KANK4: variants seen among roughly 807,000 people sequenced by gnomAD.
KANK4 encodes the protein KN motif and ankyrin repeat domains 4.
A neutral mutation model predicts 80.8 loss-of-function variants in KANK4; 50 were observed. The ratio of observed to expected loss-of-function variants is 0.62; its 90% confidence interval spans 0.49 to 0.78. The LOEUF is 0.78. Ranked by LOEUF, KANK4 falls within the 30% of genes least tolerant of loss-of-function variation. The probability of loss-of-function intolerance (pLI) is 0.00; values close to 1 mark genes in which losing one functional copy is unlikely to be tolerated. For synonymous variants in KANK4, 465 were observed against 506.9 expected, an observed-to-expected ratio of 0.92 and a Z score of 1.11; for missense variants, 1,196 against 1,240.1, an observed-to-expected ratio of 0.96 and a Z score of 0.53.
intron 8 of KANK4, among the ~76,000 whole-genome samples, chr1:62,248,788 G>A (rs560557169): frequency 3.4e-5 from 5 of 148,196 alleles, no homozygotes; most frequent in South Asian, 2.1e-4. Context: ...CAGGTGATCC[G>A]CCTGCCTTGG....
intron 8 of KANK4, among the ~76,000 whole-genome samples, chr1:62,251,851 G>T (rs1671627715): frequency 6.6e-6 from 1 of 152,162 alleles, no homozygotes; most frequent in Admixed American, 6.5e-5. Context: ...AATTAGCTGG[G>T]CATGATGGCG....
intron 1 of KANK4, among the ~76,000 whole-genome samples, chr1:62,301,432 G>A (rs74811254): frequency 0.013 from 1,991 of 152,138 alleles, 32 homozygotes; most frequent in Non-Finnish European, 0.02. Context: ...ACAGAACACC[G>A]ACACACAAAC....
intron 7 of KANK4, among the ~76,000 whole-genome samples, chr1:62,256,221 A>G (rs941437695): frequency 6.6e-6 from 1 of 152,204 alleles, no homozygotes; most frequent in Non-Finnish European, 1.5e-5. Context: ...GTAAGAGTTC[A>G]CTGTTATTAC....
rs567783536 is a variant in KANK4 at position 62,319,339 on chromosome 1, C to G, written c.-304G>C. Reference sequence around the variant, plus strand: ...GGCGCACCCCTGCGGGCACACCCACCGCGGCGGATGCGGGACTGGCCAGGC... The same window carrying G: ...GGCGCACCCCTGCGGGCACACCCACGGCGGCGGATGCGGGACTGGCCAGGC... On this transcript the variant is annotated 5_prime_UTR_variant, in exon 1 of 10. Transcript: ENST00000371153. 1.3e-5 allele frequency: 2 copies of G among 151,968 alleles called. No individual in the cohort carries two copies. The highest frequency in any genetic ancestry group is 4.8e-5 in the African/African-American group (2 of 41,420). The allele number at this position is 151,968 out of a possible 1,614,324, so 9.4% of individuals were successfully genotyped here.
At chr1:62,294,780 G>A (rs1251292779) in intron 1 of KANK4, among the ~76,000 whole-genome samples, 1 of 152,198 alleles carries the variant, frequency 6.6e-6, no homozygotes, top group African/African-American at 2.4e-5. Flanking sequence ...CAAAGATGGT[G>A]ACCACCCAGC....
intron 6 of KANK4, among the ~76,000 whole-genome samples, chr1:62,264,513 A>C (rs1258870825): frequency 1.1e-4 from 17 of 152,242 alleles, no homozygotes; most frequent in Admixed American, 1.1e-3. Flanking sequence ...CCTGTTATAA[A>C]ATAGGAGTAA....
At chr1:62,317,220 C>T (rs1252952659) in intron 1 of KANK4, among the ~76,000 whole-genome samples, 1 of 152,144 alleles carries the variant, frequency 6.6e-6, no homozygotes, top group Admixed American at 6.5e-5. Flanking sequence ...ACACTGTCAG[C>T]AAGTTCTTTC....
At position 62,266,783 on chromosome 1, in the gene KANK4, C is replaced by T. The variant is rs746358005; in HGVS notation, c.2268G>A (p.Arg756=). ...KPSEEFLNAC[R]ALSQHLPETG... is the part of the protein sequence containing the mutation. ...TTTCTGGCAGATGCTGGCTCAGTGC[C>T]CGGCATGCATTAAGAAATTCTTCTG... The change falls in exon 6 of 10, where the codon CGG becomes CGA. Residue 756 remains arginine (R), a synonymous_variant. Coordinates refer to ENST00000371153, the MANE Select transcript of KANK4 (RefSeq NM_181712.5). The T allele has an allele frequency of 3.7e-6, 6 of 1,612,560 alleles. No individual in the cohort carries two copies. In the South Asian group the frequency reaches 6.6e-5, roughly 18 times the overall value.
At position 62,240,399 on chromosome 1, in the gene KANK4, G is replaced by T. The variant is rs149078169; in HGVS notation, c.2884-2018C>A. Reference sequence around the variant, plus strand: ...GAAGTGGGCTCAGAGGCTGGGTGCAGTGGCTCATGCCTGTAATCCCAGCAC... The same window carrying T: ...GAAGTGGGCTCAGAGGCTGGGTGCATTGGCTCATGCCTGTAATCCCAGCAC... On this transcript the variant is annotated intron_variant, in intron 9 of 9. Coordinates refer to ENST00000371153, the MANE Select transcript of KANK4 (RefSeq NM_181712.5). Among the ~76,000 whole-genome samples, 612 of 152,328 alleles carry T rather than the reference G, an allele frequency of 4.0e-3. 6 individuals are homozygous for T. Among genetic ancestry groups the T allele is most frequent in the African/African-American group, 0.014 (587 of 41,582 alleles).
chr1:62,265,176 T>A (rs1671990836), intron 6 of KANK4, among the ~76,000 whole-genome samples: 1 of 152,044 alleles, frequency 6.6e-6, no homozygotes, highest in Non-Finnish European at 1.5e-5. Flanking sequence ...CTTAGTTCGA[T>A]AATTCAATTA....
At position 62,237,465 on chromosome 1, in the gene KANK4, C is replaced by T. The variant is rs1281509897; in HGVS notation, c.*812G>A. Reference sequence around the variant, plus strand: ...AGCTTTTTTTTGTTTCTTCCACAGACTCAAAATAGCTGAGAGAATCTGACT... The same window carrying T: ...AGCTTTTTTTTGTTTCTTCCACAGATTCAAAATAGCTGAGAGAATCTGACT... On this transcript the variant is annotated 3_prime_UTR_variant, in exon 10 of 10. Coordinates refer to ENST00000371153, the MANE Select transcript of KANK4 (RefSeq NM_181712.5). 6.6e-6 allele frequency: 1 copy of T among 152,118 alleles called. No homozygotes were observed. The highest frequency in any genetic ancestry group is 2.4e-5 in the African/African-American group (1 of 41,412). 9.4% of individuals were successfully genotyped at this position (152,118 alleles called of 1,614,324 possible). A position where few individuals can be genotyped will look rare whatever the true frequency, so the allele number is the denominator to read the frequency against.
chr1:62,303,753 AATG>A (rs1173447083), intron 1 of KANK4, among the ~76,000 whole-genome samples: 3 of 152,266 alleles, frequency 2.0e-5, no homozygotes, highest in Admixed American at 2.0e-4. Context: ...CACATGGTGA[AATG>A]ATAATATTTT....
intron 1 of KANK4, among the ~76,000 whole-genome samples, chr1:62,292,748 A>G (rs1050444097): frequency 6.6e-6 from 1 of 152,194 alleles, no homozygotes; most frequent in African/African-American, 2.4e-5. Context: ...TACACAAGGA[A>G]GTCAGCTGAT....
chr1:62,242,025 C>T (rs770097464), intron 9 of KANK4, among the ~76,000 whole-genome samples: 2 of 152,148 alleles, frequency 1.3e-5, no homozygotes, highest in Non-Finnish European at 2.9e-5. Flanking sequence ...GTTAGTGTTC[C>T]TCAGATGCCT....
chr1:62,259,651 T>C (rs1469207927), intron 7 of KANK4, among the ~76,000 whole-genome samples: 1 of 151,898 alleles, frequency 6.6e-6, no homozygotes, highest in Non-Finnish European at 1.5e-5. Context: ...CTTTTCTGAA[T>C]GTCACTTTCA....
chr1:62,292,240 C>T (rs1672694101), intron 1 of KANK4, among the ~76,000 whole-genome samples: 1 of 152,132 alleles, frequency 6.6e-6, no homozygotes, highest in African/African-American at 2.4e-5. Flanking sequence ...CCTAATCTAA[C>T]CCTGTTTTCA....
chr1:62,264,764 C>A (rs905757902), intron 6 of KANK4, among the ~76,000 whole-genome samples: 3 of 152,164 alleles, frequency 2.0e-5, no homozygotes, highest in Admixed American at 6.6e-5. Flanking sequence ...TCAAGAAAAT[C>A]TGGAGAAAGA....
At chr1:62,279,397 C>G (rs1433120467) in intron 2 of KANK4, among the ~76,000 whole-genome samples, 1 of 152,200 alleles carries the variant, frequency 6.6e-6, no homozygotes, top group African/African-American at 2.4e-5. Context: ...TTCATTCTAC[C>G]TGGTGACAGG....
chr1:62,311,509 C>G (rs1297973531), intron 1 of KANK4, among the ~76,000 whole-genome samples: 3 of 152,188 alleles, frequency 2.0e-5, no homozygotes, highest in Non-Finnish European at 4.4e-5. Flanking sequence ...CCTCCACATC[C>G]TCCCTCCTCC....
Sources: allele counts gnomAD v4.1 joint callset (sites outside exome capture counted in the v4.1 genomes callset), GRCh38; gene constraint gnomAD v4.1.1; transcripts MANE v1.5; gene names NCBI Gene and HGNC (gene_info 2026-07-23, HGNC 2026-07-21).